STK39: variants seen among roughly 807,000 people sequenced by gnomAD.
STK39 encodes serine/threonine kinase 39.
STK39 carries 20 observed loss-of-function variants against 77.8 expected under a neutral mutation model. That is an observed-to-expected ratio of 0.26 (90% CI 0.18 to 0.37). The LOEUF is 0.37. Ranked by LOEUF, STK39 falls within the 10% of genes least tolerant of loss-of-function variation. The pLI is 1.00. For synonymous variants in STK39, 246 were observed against 234.1 expected (o/e 1.05, Z -0.47); for missense variants, 479 against 656.5 (o/e 0.73, Z 2.95).
At chr2:168,117,755 C>T (rs770269697) in intron 10 of STK39, among the ~76,000 whole-genome samples, 1 of 151,964 alleles carries the variant, frequency 6.6e-6, no homozygotes, top group Admixed American at 6.6e-5. Flanking sequence ...TGTTGAAGGC[C>T]GAGGTGGCCC....
intron 5 of STK39, 58 bp from the exon 6 acceptor site, chr2:168,140,816 G>T: frequency 7.2e-7 from 1 of 1,386,240 alleles, no homozygotes; most frequent in Non-Finnish European, 9.9e-7. Flanking sequence ...CTTATAAATT[G>T]TGATTTTTTG....
intron 10 of STK39, among the ~76,000 whole-genome samples, chr2:168,089,475 C>G (rs1234713140): frequency 6.6e-6 from 1 of 152,148 alleles, no homozygotes; most frequent in African/African-American, 2.4e-5. Flanking sequence ...GGATAAGTTG[C>G]CTAATAACTT....
At chr2:167,976,479 AC>A (rs1276495765) in intron 16 of STK39, among the ~76,000 whole-genome samples, 1 of 152,156 alleles carries the variant, frequency 6.6e-6, no homozygotes, top group Non-Finnish European at 1.5e-5. Flanking sequence ...CTAATGAGAG[AC>A]CACCAGGCTA....
chr2:168,216,693 C>G (rs1168938172), intron 1 of STK39, among the ~76,000 whole-genome samples: 2 of 152,210 alleles, frequency 1.3e-5, no homozygotes, highest in African/African-American at 4.8e-5. Context: ...TTATAAGCCA[C>G]CTTCAAAAGA....
intron 1 of STK39, among the ~76,000 whole-genome samples, chr2:168,191,215 G>T (rs1689331873): frequency 6.6e-6 from 1 of 152,178 alleles, no homozygotes; most frequent in Non-Finnish European, 1.5e-5. Flanking sequence ...ACACAACGGA[G>T]TGCAGGGCCT....
At chr2:167,962,905 C>T (rs1692030752) in intron 17 of STK39, among the ~76,000 whole-genome samples, 1 of 152,084 alleles carries the variant, frequency 6.6e-6, no homozygotes, top group African/African-American at 2.4e-5. Context: ...CCCCAGCGAG[C>T]CCGAGGTTCC....
intron 2 of STK39, among the ~76,000 whole-genome samples, chr2:168,168,634 G>A (rs1167316185): frequency 6.6e-6 from 1 of 152,080 alleles, no homozygotes; most frequent in Non-Finnish European, 1.5e-5. Context: ...CTATATATCC[G>A]ACAACTTGGC....
intron 10 of STK39, among the ~76,000 whole-genome samples, chr2:168,085,961 G>A (rs1022927389): frequency 6.6e-6 from 1 of 152,192 alleles, no homozygotes; most frequent in East Asian, 1.9e-4. Context: ...CCTGTGCTGT[G>A]AGGTAGCCCA....
chr2:168,172,070 G>A (rs1688843572), intron 2 of STK39, among the ~76,000 whole-genome samples: 1 of 152,130 alleles, frequency 6.6e-6, no homozygotes. Flanking sequence ...TTCCTTTTCT[G>A]TAAAAGGAGA....
chr2:167,965,124 G>GA (rs57613973), intron 16 of STK39, among the ~76,000 whole-genome samples: 20,674 of 134,022 alleles, frequency 0.15, 1,577 homozygotes, highest in Middle Eastern at 0.21. Context: ...GTAGTGGGGA[G>GA]AAAAAAAAAA....
chr2:168,217,580 A>C (rs916704101), intron 1 of STK39, among the ~76,000 whole-genome samples: 1 of 152,214 alleles, frequency 6.6e-6, no homozygotes, highest in African/African-American at 2.4e-5. Context: ...TTGGTACCAA[A>C]ATTCATGGAT....
chr2:168,166,893 G>A (rs1055891231), intron 3 of STK39, among the ~76,000 whole-genome samples: 27 of 152,200 alleles, frequency 1.8e-4, no homozygotes, highest in Admixed American at 9.2e-4. Context: ...AGAAAGGACT[G>A]GCTAACTTTT....
intron 2 of STK39, among the ~76,000 whole-genome samples, chr2:168,174,683 A>C (rs1413372478): frequency 6.6e-6 from 1 of 152,016 alleles, no homozygotes; most frequent in Non-Finnish European, 1.5e-5. Flanking sequence ...GAAAAAATTC[A>C]AATTGAAGAT....
intron 17 of STK39, among the ~76,000 whole-genome samples, chr2:167,959,326 C>T (rs1269378437): frequency 1.3e-5 from 2 of 151,712 alleles, no homozygotes; most frequent in Non-Finnish European, 2.9e-5. Context: ...GAAGTTTCAC[C>T]ATGTTAGCCA....
chr2:167,989,810 A>G (rs1021142466), intron 16 of STK39, among the ~76,000 whole-genome samples: 1 of 152,192 alleles, frequency 6.6e-6, no homozygotes, highest in African/African-American at 2.4e-5. Flanking sequence ...TGAACTAAAA[A>G]AAGAAAACAC....
intron 10 of STK39, among the ~76,000 whole-genome samples, chr2:168,083,934 C>T (rs1244201560): frequency 6.6e-6 from 1 of 152,042 alleles, no homozygotes; most frequent in African/African-American, 2.4e-5. Context: ...CACAGGGAGA[C>T]AGCCCCAGCA....
intron 14 of STK39, among the ~76,000 whole-genome samples, chr2:168,035,488 A>G (rs946019722): frequency 6.6e-6 from 1 of 152,216 alleles, no homozygotes; most frequent in African/African-American, 2.4e-5. Context: ...AAACTTCGGC[A>G]GAATGTCTAA....
At chr2:168,045,681 G>A (rs1286000765) in intron 14 of STK39, among the ~76,000 whole-genome samples, 2 of 152,122 alleles carry the variant, frequency 1.3e-5, no homozygotes, top group African/African-American at 2.4e-5. Context: ...CTGTTCCTAG[G>A]ATGCTAAGCT....
At chr2:168,138,636 A>G (rs1574495353) in intron 7 of STK39, among the ~76,000 whole-genome samples, 2 of 152,228 alleles carry the variant, frequency 1.3e-5, no homozygotes, top group East Asian at 3.9e-4. Flanking sequence ...CCTGTACTCA[A>G]GGCTTCTGTA....
Sources: gnomAD v4.1 joint callset for allele counts (sites outside exome capture counted in the v4.1 genomes callset) on GRCh38, gnomAD v4.1.1 for gene constraint, MANE v1.5 for transcripts, NCBI Gene and HGNC (gene_info 2026-07-23, HGNC 2026-07-21) for gene names.